DOCK7: variants seen among roughly 807,000 people sequenced by gnomAD.
DOCK7 encodes dedicator of cytokinesis protein 7.
DOCK7 carries 138 observed loss-of-function variants against 271.0 expected under a neutral mutation model. That is an observed-to-expected ratio of 0.51 (90% CI 0.44 to 0.59). The LOEUF is 0.59. Among genes scored for constraint, DOCK7 ranks in the 20% least tolerant of loss-of-function variants. The pLI is 0.00. For missense variants in DOCK7, 2,066 were observed against 2,592.4 expected (o/e 0.80, Z 4.41); for synonymous variants, 823 against 876.1 (o/e 0.94, Z 1.07).
chr1:62,523,688 G>A (rs1644916665), intron 31 of DOCK7, among the ~76,000 whole-genome samples: 2 of 152,130 alleles, frequency 1.3e-5, no homozygotes, highest in Admixed American at 1.3e-4. Flanking sequence ...CTAACATGGT[G>A]AAACCCCATC....
At position 62,593,581 on chromosome 1, in the gene DOCK7, T is replaced by G. The variant is rs148084549; in HGVS notation, c.1683-6957A>C. 5.9e-3 allele frequency among the ~76,000 whole-genome samples: 901 copies of G among 151,990 alleles called. 6 individuals carry two copies. The highest frequency in any genetic ancestry group is 0.02 in the African/African-American group (849 of 41,470). ...AGCAAAACTCCGTCTCAAAAATAAA[T>G]AAAGAAAAAATCTTTACATGTCCAA... On this transcript the variant is annotated intron_variant, in intron 14 of 49. Transcript: ENST00000635253.
chr1:62,463,366 C>A (rs1325055098), intron 48 of DOCK7, among the ~76,000 whole-genome samples: 1 of 152,110 alleles, frequency 6.6e-6, no homozygotes, highest in Non-Finnish European at 1.5e-5. Context: ...TCAAATGCTA[C>A]TGATGGGAAT....
intron 1 of DOCK7, among the ~76,000 whole-genome samples, chr1:62,684,157 G>C (rs902424031): frequency 6.6e-6 from 1 of 151,496 alleles, no homozygotes; most frequent in African/African-American, 2.4e-5. Flanking sequence ...GGAGGTTGCA[G>C]TGAGCCGATT....
At position 62,552,740 on chromosome 1, in the gene DOCK7, C is replaced by A; in HGVS notation, c.2758G>T (p.Gly920Trp). The A allele has an allele frequency of 6.2e-7, 1 of 1,610,408 alleles. No individual in the cohort carries two copies. Among genetic ancestry groups the A allele is most frequent in the Non-Finnish European group, 8.5e-7 (1 of 1,177,932 alleles). Residue 920 changes from glycine (G) to tryptophan (W), a missense_variant, in exon 22 of 50, where the codon GGG becomes TGG. By Grantham distance (184) the Gly-to-Trp change is radical. This residue lies in a region of DOCK7 where 1,414 missense variants were observed against 1,670.4 expected (regional missense o/e 0.85). Transcript: ENST00000635253. Reference sequence around the variant, plus strand: ...GCATGTCTTCAGTTTACCTTACTCCCGATGATTGATCGAACTTCATCATCT... The same window carrying A: ...GCATGTCTTCAGTTTACCTTACTCCAGATGATTGATCGAACTTCATCATCT... ...SPDDEVRSII[G>W]SKGLDRSNSW...
chr1:62,604,670 C>T (rs1049225913), intron 14 of DOCK7: 3 of 1,613,106 alleles, frequency 1.9e-6, no homozygotes, highest in African/African-American at 1.3e-5. Flanking sequence ...GAGAAAACAA[C>T]CTAAATGGTA....
intron 12 of DOCK7, among the ~76,000 whole-genome samples, chr1:62,623,658 C>A (rs1195969692): frequency 1.3e-5 from 2 of 152,186 alleles, no homozygotes; most frequent in East Asian, 1.9e-4. Flanking sequence ...AACATACCTG[C>A]AAGGTTGTGT....
rs1215583742 is a variant in DOCK7, at chr1:62,583,397, T to C, written c.1801-143A>G. On this transcript the variant is annotated intron_variant, in intron 15 of 49. Coordinates refer to ENST00000635253, the MANE Select transcript of DOCK7 (RefSeq NM_001367561.1). Reference sequence around the variant, plus strand: ...ATGAAGAACAATGTGCCTACTGACGTTCATCAAAAAGTTCAATTGCTTAAC... The same window carrying C: ...ATGAAGAACAATGTGCCTACTGACGCTCATCAAAAAGTTCAATTGCTTAAC... 6 of 619,446 alleles carry C rather than the reference T, an allele frequency of 9.7e-6. No individual in the cohort carries two copies. In the East Asian group the frequency reaches 1.6e-4, roughly 16 times the overall value. 38.4% of individuals were successfully genotyped at this position (619,446 alleles called of 1,614,324 possible).
intron 22 of DOCK7, among the ~76,000 whole-genome samples, chr1:62,550,695 T>C (rs1645865628): frequency 6.6e-6 from 1 of 150,614 alleles, no homozygotes; most frequent in Admixed American, 6.7e-5. Context: ...ATAAGGGAAC[T>C]GAGGTTTGAT....
intron 31 of DOCK7, among the ~76,000 whole-genome samples, chr1:62,527,415 G>A (rs879432666): frequency 1.3e-5 from 2 of 151,988 alleles, no homozygotes; most frequent in Admixed American, 6.6e-5. Context: ...ACATGCACAC[G>A]TATGTTTATT....
chr1:62,573,899 G>C (rs972285878), intron 18 of DOCK7, among the ~76,000 whole-genome samples: 5 of 151,816 alleles, frequency 3.3e-5, no homozygotes, highest in Non-Finnish European at 7.4e-5. Flanking sequence ...CAAAGCACTG[G>C]GATTATAGGT....
chr1:62,627,839 T>C (rs925871380), intron 11 of DOCK7: 2 of 152,136 alleles, frequency 1.3e-5, no homozygotes, highest in African/African-American at 2.4e-5. Context: ...GTCAGCCCTA[T>C]CAAAATCCCA....
At chr1:62,564,093 G>C (rs1257828711) in intron 18 of DOCK7, among the ~76,000 whole-genome samples, 1 of 151,988 alleles carries the variant, frequency 6.6e-6, no homozygotes. Context: ...GACCTACAAA[G>C]ACACTTAGAC....
chr1:62,563,102 C>G (rs948058838), intron 18 of DOCK7, among the ~76,000 whole-genome samples: 2 of 152,078 alleles, frequency 1.3e-5, no homozygotes, highest in Admixed American at 1.3e-4. Context: ...AAGGTGCCCC[C>G]CTCCCTCACA....
intron 16 of DOCK7, among the ~76,000 whole-genome samples, chr1:62,582,978 T>C (rs969020697): frequency 1.3e-5 from 2 of 152,192 alleles, no homozygotes; most frequent in African/African-American, 2.4e-5. Context: ...GAGAATTCGA[T>C]AGAAAAGATG....
At chr1:62,635,202 A>G (rs1322560508) in intron 8 of DOCK7, 5 of 210,352 alleles carry the variant, frequency 2.4e-5, no homozygotes, top group Non-Finnish European at 3.7e-5. Context: ...TATTTCACTG[A>G]GACCAATCTT....
chr1:62,646,260 T>C (rs904582874), intron 7 of DOCK7, among the ~76,000 whole-genome samples: 3 of 151,678 alleles, frequency 2.0e-5, no homozygotes, highest in African/African-American at 7.3e-5. Context: ...TGGCCACATA[T>C]AATTCCACTT....
intron 39 of DOCK7, 200 bp downstream of exon 39, chr1:62,495,381 C>T (rs528436595): frequency 6.1e-4 from 193 of 316,516 alleles, no homozygotes; most frequent in Non-Finnish European, 8.9e-4. Context: ...CTCTTGAGCC[C>T]AGGAGTTCAA....
chr1:62,648,334 TTAAATA>T lies in DOCK7; in HGVS notation c.520-22_520-17del, dbSNP rs1450802542. ...TAAGGTCATCCTGTCATGCAAAACATTAAATATAAATATATTAATTAATAAATTGAC... is the reference window on the plus strand; with the variant it reads ...TAAGGTCATCCTGTCATGCAAAACATTAAATATATTAATTAATAAATTGAC... On this transcript the variant is annotated splice_polypyrimidine_tract_variant and intron_variant, in intron 5 of 49. Coordinates refer to ENST00000635253, the MANE Select transcript of DOCK7 (RefSeq NM_001367561.1). 3.7e-5 allele frequency: 57 copies of T among 1,531,372 alleles called. No individual in the cohort carries two copies. Among genetic ancestry groups the T allele is most frequent in the Admixed American group, 1.5e-4 (8 of 52,056 alleles). The allele number at this position is 1,531,372 out of a possible 1,614,324, so 94.9% of individuals were successfully genotyped here.
At chr1:62,473,080 T>C (rs1645876049) in intron 48 of DOCK7, among the ~76,000 whole-genome samples, 1 of 152,220 alleles carries the variant, frequency 6.6e-6, no homozygotes, top group African/African-American at 2.4e-5. Context: ...AGTATAACTA[T>C]ATGCTGAGTC....
Sources: gnomAD v4.1 joint callset for allele counts (sites outside exome capture counted in the v4.1 genomes callset) on GRCh38, gnomAD v4.1.1 for gene constraint, gnomAD v4.1.1 regional missense constraint, MANE v1.5 for transcripts, NCBI Gene and HGNC (gene_info 2026-07-23, HGNC 2026-07-21) for gene names.